Variants in ZFP90 observed in about 807,000 individuals in gnomAD.
ZFP90 encodes the protein ZFP90 zinc finger protein.
ZFP90 carries 38 observed loss-of-function variants against 60.8 expected under a neutral mutation model. The ratio of observed to expected loss-of-function variants is 0.62; its 90% CI spans 0.48 to 0.82. ZFP90 has a LOEUF of 0.82. Ranked by LOEUF, ZFP90 falls within the 40% of genes least tolerant of loss-of-function variation. The probability of loss-of-function intolerance (pLI) is 0.00; values close to 1 mark genes in which losing one functional copy is unlikely to be tolerated. For missense variants in ZFP90, 711 were observed against 759.1 expected (o/e 0.94, Z 0.74); for synonymous variants, 287 against 264.8 (o/e 1.08, Z -0.82).
At chr16:68,537,757 G>A (rs1455036585), upstream of ZFP90, among the ~76,000 whole-genome samples, 1 of 151,842 alleles carries the variant, frequency 6.6e-6, no homozygotes, top group Non-Finnish European at 1.5e-5. Context: ...GTAGAGACAG[G>A]GTTTTGCCAT....
chr16:68,568,604 T>A (rs1297497556), downstream of ZFP90, among the ~76,000 whole-genome samples: 1 of 152,234 alleles, frequency 6.6e-6, no homozygotes, highest in Non-Finnish European at 1.5e-5. Context: ...CAAAGATGTT[T>A]ATTGAGGCAG....
intron 2 of ZFP90, among the ~76,000 whole-genome samples, chr16:68,540,680 A>C (rs1285750548): frequency 6.6e-6 from 1 of 152,060 alleles, no homozygotes; most frequent in Non-Finnish European, 1.5e-5. Flanking sequence ...TTCAAATAAA[A>C]ATACCAAGTT....
intron 2 of ZFP90, among the ~76,000 whole-genome samples, chr16:68,555,872 CAA>C (rs544403659): frequency 1.3e-3 from 201 of 152,318 alleles, no homozygotes; most frequent in African/African-American, 4.4e-3. Context: ...CCTAAGCAAA[CAA>C]GAGAAGGGTA....
chr16:68,563,766 C>T lies in ZFP90; in HGVS notation c.979C>T (p.Gln327Ter). 1 of 1,614,076 alleles carries T rather than the reference C, an allele frequency of 6.2e-7. No individual in the cohort carries two copies. The highest frequency in any genetic ancestry group is 8.5e-7 in the Non-Finnish European group (1 of 1,179,998). The change falls in exon 5 of 5, where the codon CAA (glutamine) becomes TAA (stop). Residue 327 changes from glutamine (Q) to a stop codon, truncating the protein, a stop_gained. Coordinates refer to ENST00000563169, the MANE Select transcript of ZFP90 (RefSeq NM_001305203.2). LOFTEE classifies it high-confidence loss of function. Reference sequence around the variant, plus strand: ...CTTCCAGCGCAGCTCCTCCCTTGTTCAACACCAGCGAATTCACACTGGAGA... The same window carrying T: ...CTTCCAGCGCAGCTCCTCCCTTGTTTAACACCAGCGAATTCACACTGGAGA... ...KAFQRSSSLV[Q>*]HQRIHTGEKP...
chr16:68,557,110 C>T, intron 2 of ZFP90: 1 of 444,480 alleles, frequency 2.2e-6, no homozygotes, highest in Non-Finnish European at 4.5e-6. Context: ...AGCTCAGCCT[C>T]CTGAGTAGCT....
intron 2 of ZFP90, among the ~76,000 whole-genome samples, chr16:68,549,838 A>G (rs1252291744): frequency 6.6e-6 from 1 of 152,132 alleles, no homozygotes; most frequent in Non-Finnish European, 1.5e-5. Flanking sequence ...TTCTACAAGG[A>G]TGACTAGGAA....
upstream of ZFP90, chr16:68,535,756 C>G (rs1463146968): frequency 1.3e-5 from 2 of 152,086 alleles, no homozygotes; most frequent in Non-Finnish European, 2.9e-5. Flanking sequence ...CTACTACTCT[C>G]TAAGTTTATT....
rs2091474410 is a variant in ZFP90 at position 68,563,831 on chromosome 16, G to A, written c.1044G>A (p.Arg348=). ...YRCNLCGRSF[R]HGTSLTQHEV... is the part of the protein sequence containing the mutation. ...GTAATCTATGTGGGAGGTCCTTTAG[G>A]CATGGCACATCCCTCACTCAACACG... Residue 348 remains arginine, a synonymous_variant, in exon 5 of 5, where the codon AGG becomes AGA. Coordinates refer to ENST00000563169, the MANE Select transcript of ZFP90 (RefSeq NM_001305203.2). 1 of 1,613,530 alleles carries A rather than the reference G, an allele frequency of 6.2e-7. No individual in the cohort carries two copies. Among genetic ancestry groups the A allele is most frequent in the Non-Finnish European group, 8.5e-7 (1 of 1,179,910 alleles).
chr16:68,564,122 C>T lies in ZFP90; in HGVS notation c.1335C>T (p.Thr445=), dbSNP rs775058659. ...TSLTQDESTL[T]EVKSYHCNDC... is the part of the protein sequence containing the mutation. The stretch of plus-strand genomic sequence containing the variant: ...TCACTCAAGATGAAAGCACTCTTAC[C>T]GAAGTGAAATCCTACCATTGTAATG... The change falls in exon 5 of 5, where the codon ACC becomes ACT. Residue 445 remains threonine, a synonymous_variant. Coordinates refer to ENST00000563169, the MANE Select transcript of ZFP90 (RefSeq NM_001305203.2). The T allele has an allele frequency of 5.2e-5, 84 of 1,614,014 alleles. No individual in the cohort carries two copies. The highest frequency in any genetic ancestry group is 8.3e-5 in the Admixed American group (5 of 59,994).
chr16:68,564,586 A>G lies in ZFP90; in HGVS notation c.1799A>G (p.Gln600Arg). Residue 600 changes from glutamine (Q) to arginine (R), a missense_variant, in exon 5 of 5, where the codon CAG becomes CGG. Gln to Arg is a conservative substitution (Grantham distance 43). This residue lies in a region of ZFP90 where 295 missense variants were observed against 274.0 expected (regional missense o/e 1.08). Transcript: ENST00000563169. Reference protein sequence around the residue: ...FRKKTNLHDHQRIHTGEKPYS... With the variant: ...FRKKTNLHDHRRIHTGEKPYS... The stretch of plus-strand genomic sequence containing the variant: ...AAAAAAACCAACCTGCATGATCATC[A>G]GAGAATTCATACTGGAGAAAAACCC... 2.5e-6 allele frequency: 4 copies of G among 1,614,160 alleles called. No homozygotes were observed. Among genetic ancestry groups the G allele is most frequent in the Non-Finnish European group, 3.4e-6 (4 of 1,180,006 alleles).
At chr16:68,540,575 C>T (rs1242202421) in intron 2 of ZFP90, among the ~76,000 whole-genome samples, 4 of 152,010 alleles carry the variant, frequency 2.6e-5, no homozygotes, top group East Asian at 1.9e-4. Context: ...ACATCAAGAT[C>T]CAGATGGTAT....
At chr16:68,556,307 TCAGC>T (rs55861969) in intron 2 of ZFP90, among the ~76,000 whole-genome samples, 116,328 of 151,510 alleles carry the variant, frequency 0.77, 44,735 homozygotes, top group East Asian at 0.82. Context: ...ATGGGGCACC[TCAGC>T]CAGCCAGCCA....
At chr16:68,549,637 C>T (rs1008712364) in intron 2 of ZFP90, among the ~76,000 whole-genome samples, 1 of 144,766 alleles carries the variant, frequency 6.9e-6, no homozygotes, top group Middle Eastern at 3.4e-3. Flanking sequence ...CGAGATCGTG[C>T]CACTGCACTC....
Position 68,563,543 on chromosome 16 carries a change from A to G in ZFP90, c.756A>G (p.Lys252=). 1.9e-6 allele frequency: 3 copies of G among 1,614,216 alleles called. No homozygotes were observed. The highest frequency in any genetic ancestry group is 2.5e-6 in the Non-Finnish European group (3 of 1,180,034). Residue 252 remains lysine, a synonymous_variant, in exon 5 of 5, where the codon AAA becomes AAG. Coordinates refer to ENST00000563169, the MANE Select transcript of ZFP90 (RefSeq NM_001305203.2). ...GTDQGIYPGK[K]HHECTDCGKT... Reference sequence around the variant, plus strand: ...ATCAAGGAATTTATCCTGGAAAGAAACACCATGAATGTACCGACTGTGGGA... The same window carrying G: ...ATCAAGGAATTTATCCTGGAAAGAAGCACCATGAATGTACCGACTGTGGGA...
intron 2 of ZFP90, among the ~76,000 whole-genome samples, chr16:68,546,819 C>T (rs4783656): frequency 0.77 from 116,670 of 152,236 alleles, 44,799 homozygotes; most frequent in East Asian, 0.82. Context: ...GCCAAAATCA[C>T]ACAGTATATC....
At chr16:68,571,067 A>G (rs2091565407), downstream of ZFP90, among the ~76,000 whole-genome samples, 2 of 152,186 alleles carry the variant, frequency 1.3e-5, no homozygotes, top group Admixed American at 6.5e-5. Context: ...GTAGATCTTC[A>G]CACCACACCC....
chr16:68,557,197 A>G (rs891850222), intron 2 of ZFP90: 17 of 455,096 alleles, frequency 3.7e-5, no homozygotes, highest in African/African-American at 3.4e-4. Flanking sequence ...TCTATTGCCT[A>G]GGATGGTCTC....
upstream of ZFP90, among the ~76,000 whole-genome samples, chr16:68,536,664 T>G (rs1391826005): frequency 6.6e-6 from 1 of 152,154 alleles, no homozygotes; most frequent in Non-Finnish European, 1.5e-5. Flanking sequence ...TGGCATTGCG[T>G]CAGTGGTTAA....
chr16:68,557,852 C>A, intron 2 of ZFP90, 146 bp from the exon 3 acceptor site: 1 of 1,121,898 alleles, frequency 8.9e-7, no homozygotes. Flanking sequence ...ATTATGTAAA[C>A]AATAAGTTTA....
Sources: gnomAD v4.1 joint callset for allele counts (sites outside exome capture counted in the v4.1 genomes callset) on GRCh38, gnomAD v4.1.1 for gene constraint, gnomAD v4.1.1 regional missense constraint, MANE v1.5 for transcripts, NCBI Gene and HGNC (gene_info 2026-07-23, HGNC 2026-07-21) for gene names.